FAM107B: variants seen among roughly 807,000 people sequenced by gnomAD.
FAM107B encodes protein FAM107B.
Under a neutral mutation model 31.5 loss-of-function variants are expected in FAM107B, and 21 were observed. That is an observed-to-expected ratio of 0.67 (90% CI 0.47 to 0.96). FAM107B has a LOEUF of 0.96. Ranked by LOEUF, FAM107B falls within the 40% of genes least tolerant of loss-of-function variation. The pLI is 0.00. For synonymous variants in FAM107B, 157 were observed against 141.5 expected, an observed-to-expected ratio of 1.11 and a Z score of -0.78; for missense variants, 452 against 377.1, an observed-to-expected ratio of 1.20 and a Z score of -1.64.
chr10:14,628,119 T>TTTGTTTTTTGTTTTTTG (rs1458599256), intron 2 of FAM107B, among the ~76,000 whole-genome samples: 1 of 123,106 alleles, frequency 8.1e-6, no homozygotes, highest in East Asian at 2.7e-4. Flanking sequence ...CTGGTTTTTT[T>TTTGTTTTTTGTTTTTTG]TTTTTTTTTT....
chr10:14,594,593 C>G (rs185590038), intron 2 of FAM107B, among the ~76,000 whole-genome samples: 2 of 152,094 alleles, frequency 1.3e-5, no homozygotes, highest in Admixed American at 1.3e-4. Context: ...AAGACACAAG[C>G]CTCAAACACA....
chr10:14,549,425 G>A (rs1849049496), intron 2 of FAM107B, among the ~76,000 whole-genome samples: 1 of 152,204 alleles, frequency 6.6e-6, no homozygotes, highest in African/African-American at 2.4e-5. Flanking sequence ...GAGAAGTTTA[G>A]GCCTTTTGGC....
intron 2 of FAM107B, among the ~76,000 whole-genome samples, chr10:14,630,172 C>A (rs1261153866): frequency 1.3e-5 from 2 of 151,144 alleles, no homozygotes; most frequent in South Asian, 2.1e-4. Flanking sequence ...AAATGTATTT[C>A]TCTTGCTCAC....
chr10:14,670,444 A>G (rs1459019), intron 1 of FAM107B, among the ~76,000 whole-genome samples: 54,372 of 152,088 alleles, frequency 0.36, 9,872 homozygotes, highest in Middle Eastern at 0.43. Flanking sequence ...CAGCAAATAA[A>G]TGCAGTAAGT....
At chr10:14,578,399 A>G (rs1851530156) in intron 2 of FAM107B, among the ~76,000 whole-genome samples, 1 of 152,250 alleles carries the variant, frequency 6.6e-6, no homozygotes, top group Non-Finnish European at 1.5e-5. Context: ...ATAGTGAAGA[A>G]AAGTCTAGAA....
chr10:14,560,476 G>A (rs1335267346), intron 2 of FAM107B, among the ~76,000 whole-genome samples: 1 of 152,208 alleles, frequency 6.6e-6, no homozygotes, highest in Non-Finnish European at 1.5e-5. Flanking sequence ...GGTATTCAAG[G>A]AGCACCAATG....
At chr10:14,615,398 G>A (rs1330877291) in intron 2 of FAM107B, among the ~76,000 whole-genome samples, 2 of 152,292 alleles carry the variant, frequency 1.3e-5, no homozygotes, top group East Asian at 1.9e-4. Context: ...TGTAGGGAGA[G>A]AATTAATGGA....
intron 1 of FAM107B, among the ~76,000 whole-genome samples, chr10:14,772,156 C>G (rs1833318582): frequency 6.6e-6 from 1 of 152,004 alleles, no homozygotes; most frequent in African/African-American, 2.4e-5. Context: ...AGATCGAGAC[C>G]ATCCTGGCTA....
chr10:14,668,966 T>A (rs1854474851), intron 1 of FAM107B, among the ~76,000 whole-genome samples: 1 of 152,200 alleles, frequency 6.6e-6, no homozygotes, highest in South Asian at 2.1e-4. Flanking sequence ...AAACTGGTAT[T>A]ATTCATTATA....
At chr10:14,627,512 G>A (rs569556528) in intron 2 of FAM107B, among the ~76,000 whole-genome samples, 4 of 152,314 alleles carry the variant, frequency 2.6e-5, no homozygotes, top group South Asian at 4.1e-4. Context: ...AATGGCTCAC[G>A]CCTGTCATCC....
At chr10:14,749,540 C>A (rs1832787912) in intron 1 of FAM107B, among the ~76,000 whole-genome samples, 1 of 152,208 alleles carries the variant, frequency 6.6e-6, no homozygotes, top group African/African-American at 2.4e-5. Flanking sequence ...CCCTAGCACC[C>A]TTTCTCCCTG....
At chr10:14,604,759 C>G (rs796691696) in intron 2 of FAM107B, among the ~76,000 whole-genome samples, 3 of 122,894 alleles carry the variant, frequency 2.4e-5, no homozygotes, top group African/African-American at 9.0e-5. Context: ...CCCTCTACCT[C>G]TCTGTCTCTC....
chr10:14,655,053 T>C (rs909224644), intron 2 of FAM107B, among the ~76,000 whole-genome samples: 1 of 152,176 alleles, frequency 6.6e-6, no homozygotes, highest in Non-Finnish European at 1.5e-5. Context: ...GGCACCAGCA[T>C]CTGAGGCAAA....
At chr10:14,702,987 C>A (rs1277315323) in intron 1 of FAM107B, among the ~76,000 whole-genome samples, 1 of 152,160 alleles carries the variant, frequency 6.6e-6, no homozygotes, top group Non-Finnish European at 1.5e-5. Context: ...CTCTCAGGCT[C>A]ATTCAGTTTC....
intron 4 of FAM107B, 34 bp downstream of exon 4, chr10:14,521,835 C>CA (rs772001031): frequency 2.3e-4 from 367 of 1,601,582 alleles, no homozygotes; most frequent in Non-Finnish European, 3.0e-4. Context: ...AAGACAAAAA[C>CA]AAAAAAAGAC....
At chr10:14,723,724 T>G in intron 1 of FAM107B, 3 of 757,764 alleles carry the variant, frequency 4.0e-6, no homozygotes, top group Non-Finnish European at 7.2e-6. Flanking sequence ...TGCCTGGATC[T>G]GGTTAGTGAA....
intron 2 of FAM107B, chr10:14,612,687 G>C (rs1055830099): frequency 1.3e-5 from 2 of 152,112 alleles, no homozygotes; most frequent in Non-Finnish European, 2.9e-5. Context: ...GAAATACAAA[G>C]ATATGATAGA....
intron 1 of FAM107B, among the ~76,000 whole-genome samples, chr10:14,756,293 A>T (rs1832929433): frequency 6.6e-6 from 1 of 152,230 alleles, no homozygotes; most frequent in Admixed American, 6.5e-5. Context: ...TCTTTGTGAT[A>T]GTCTTGGGTG....
chr10:14,696,907 A>T (rs1237167961), intron 1 of FAM107B, among the ~76,000 whole-genome samples: 1 of 152,094 alleles, frequency 6.6e-6, no homozygotes, highest in Non-Finnish European at 1.5e-5. Context: ...AGCATCTCTG[A>T]AAAGTGTCAA....
Sources: allele counts gnomAD v4.1 joint callset (sites outside exome capture counted in the v4.1 genomes callset), GRCh38; gene constraint gnomAD v4.1.1; transcripts MANE v1.5; gene names NCBI Gene and HGNC (gene_info 2026-07-23, HGNC 2026-07-21).